The following PTPRR variants were observed in gnomAD, a reference collection of about 807,000 sequenced individuals.
PTPRR encodes receptor-type tyrosine-protein phosphatase R.
A neutral mutation model predicts 77.2 loss-of-function variants in PTPRR; 38 were observed. That is an observed-to-expected ratio of 0.49 (90% confidence interval 0.38 to 0.65). The LOEUF (loss-of-function observed/expected upper bound fraction) is 0.65. Ranked by LOEUF, PTPRR falls within the 30% of genes least tolerant of loss-of-function variation. PTPRR has a pLI of 0.00. For missense variants in PTPRR, 744 were observed against 799.2 expected (o/e 0.93, Z 0.83); for synonymous variants, 299 against 283.1 (o/e 1.06, Z -0.57).
At chr12:70,872,700 A>AAAAAAAAAAAC (rs1892981298) in intron 2 of PTPRR, among the ~76,000 whole-genome samples, 1 of 146,240 alleles carries the variant, frequency 6.8e-6, no homozygotes, top group Non-Finnish European at 1.5e-5. Flanking sequence ...GTCTCAAAAA[A>AAAAAAAAAAAC]AAAAAAAAAA....
In PTPRR at chr12:70,659,512, T is replaced by C; in HGVS notation, c.1766+1428A>G. ...AGTGACTGGAAAAAAGATAGTCTCA[T>C]TCTCAGAAATAGTAATCAGAAGGGG... On this transcript the variant is annotated intron_variant, in intron 12 of 13. Transcript: ENST00000283228. Among the ~76,000 whole-genome samples, 2 of 152,094 alleles carry C rather than the reference T, an allele frequency of 1.3e-5. 1 individual carries two copies. Among genetic ancestry groups the C allele is most frequent in the Non-Finnish European group, 2.9e-5 (2 of 68,010 alleles).
intron 2 of PTPRR, among the ~76,000 whole-genome samples, chr12:70,882,667 C>T (rs1893169560): frequency 1.3e-5 from 2 of 151,920 alleles, no homozygotes; most frequent in East Asian, 1.9e-4. Flanking sequence ...TGCTGGTCTT[C>T]CTTGACAGAC....
At chr12:70,861,850 T>G (rs1459994536) in intron 2 of PTPRR, among the ~76,000 whole-genome samples, 5 of 152,186 alleles carry the variant, frequency 3.3e-5, no homozygotes, top group Non-Finnish European at 5.9e-5. Flanking sequence ...GGCTACTACC[T>G]TCCTAATCTA....
rs750737641 is a variant in PTPRR at position 70,892,746 on chromosome 12, A to G, written c.290T>C (p.Leu97Pro). ...RPAYDPSLNL[L>P]AMDGQDLEVE... is the part of the protein sequence containing the mutation. ...TTCAAGATCTTGACCATCCATGGCCAGCAGATTGAGAGACGGGTCATATGC... is the reference window on the plus strand; with the variant it reads ...TTCAAGATCTTGACCATCCATGGCCGGCAGATTGAGAGACGGGTCATATGC... Residue 97 changes from leucine (L) to proline (P), a missense_variant, in exon 2 of 14, where the codon CTG becomes CCG. This residue lies in a region of PTPRR where 570 missense variants were observed against 573.2 expected (regional missense o/e 0.99). Coordinates refer to ENST00000283228, the MANE Select transcript of PTPRR (RefSeq NM_002849.4). 66 of 1,613,426 alleles carry G rather than the reference A, an allele frequency of 4.1e-5. No homozygotes were observed. The highest frequency in any genetic ancestry group is 2.2e-5 in the Non-Finnish European group (26 of 1,179,580).
chr12:70,877,061 G>A (rs2137098975), intron 2 of PTPRR, among the ~76,000 whole-genome samples: 1 of 152,300 alleles, frequency 6.6e-6, no homozygotes, highest in African/African-American at 2.4e-5. Context: ...GTCAAAACTA[G>A]TAAGCAGCCA....
At chr12:70,744,655 G>T (rs570224376) in intron 6 of PTPRR, among the ~76,000 whole-genome samples, 1 of 152,290 alleles carries the variant, frequency 6.6e-6, no homozygotes, top group South Asian at 2.1e-4. Flanking sequence ...ATAACTATTT[G>T]CATAGGGCAT....
At chr12:70,662,933 A>G (rs59683625) in intron 10 of PTPRR, among the ~76,000 whole-genome samples, 3,178 of 152,196 alleles carry the variant, frequency 0.021, 122 homozygotes, top group African/African-American at 0.073. Context: ...TTAAGAAGTT[A>G]AGAAATTTAA....
At chr12:70,709,033 T>G (rs563373123) in intron 6 of PTPRR, among the ~76,000 whole-genome samples, 2 of 152,150 alleles carry the variant, frequency 1.3e-5, no homozygotes, top group African/African-American at 4.8e-5. Context: ...AAAGAAAACT[T>G]CTGGCCAGTA....
intron 4 of PTPRR, among the ~76,000 whole-genome samples, chr12:70,758,558 A>G (rs149551935): frequency 1.3e-5 from 2 of 152,280 alleles, no homozygotes; most frequent in East Asian, 3.9e-4. Flanking sequence ...TAAAATTTAA[A>G]GAATTGTCCT....
At chr12:70,757,844 T>A (rs534337708) in intron 4 of PTPRR, among the ~76,000 whole-genome samples, 21 of 152,326 alleles carry the variant, frequency 1.4e-4, no homozygotes, top group African/African-American at 4.6e-4. Flanking sequence ...TGGGTTGAGG[T>A]ATAAGTTGTT....
intron 2 of PTPRR, among the ~76,000 whole-genome samples, chr12:70,871,269 C>T (rs888900815): frequency 2.6e-5 from 4 of 152,180 alleles, no homozygotes; most frequent in Non-Finnish European, 1.5e-5. Flanking sequence ...TAGCAGCAAA[C>T]TCAGCCTGAG....
intron 1 of PTPRR, among the ~76,000 whole-genome samples, chr12:70,895,586 A>G (rs1330878205): frequency 1.3e-5 from 2 of 151,542 alleles, no homozygotes; most frequent in African/African-American, 4.8e-5. Context: ...AAGAAAAAAA[A>G]TTTCATAGTG....
chr12:70,909,550 G>C (rs150329318), intron 1 of PTPRR, among the ~76,000 whole-genome samples: 3,734 of 152,236 alleles, frequency 0.025, 71 homozygotes, highest in Non-Finnish European at 0.04. Context: ...TTCTCCATCA[G>C]GGTAGAAAAA....
At chr12:70,667,400 A>C (rs1179946424) in intron 10 of PTPRR, among the ~76,000 whole-genome samples, 1 of 152,110 alleles carries the variant, frequency 6.6e-6, no homozygotes, top group East Asian at 1.9e-4. Context: ...CAGGAGAGTA[A>C]TTTTGTTTGG....
chr12:70,654,465 G>A (rs368584740), intron 13 of PTPRR, among the ~76,000 whole-genome samples: 1 of 152,088 alleles, frequency 6.6e-6, no homozygotes, highest in African/African-American at 2.4e-5. Flanking sequence ...CTCCCAGGAG[G>A]TCAAGGCTGC....
intron 8 of PTPRR, among the ~76,000 whole-genome samples, chr12:70,692,046 C>T (rs1182750825): frequency 6.6e-6 from 1 of 152,114 alleles, no homozygotes; most frequent in East Asian, 1.9e-4. Context: ...TAAATTAAGT[C>T]ATCTTTTACA....
At chr12:70,693,375 C>A (rs946588331) in intron 8 of PTPRR, among the ~76,000 whole-genome samples, 1 of 152,034 alleles carries the variant, frequency 6.6e-6, no homozygotes, top group East Asian at 1.9e-4. Flanking sequence ...CAGCTCACTG[C>A]GACCTCAACC....
At chr12:70,719,890 G>A (rs1889182007) in intron 6 of PTPRR, among the ~76,000 whole-genome samples, 1 of 152,192 alleles carries the variant, frequency 6.6e-6, no homozygotes, top group Non-Finnish European at 1.5e-5. Flanking sequence ...AGTGTCTCAA[G>A]TAGGATTGTT....
chr12:70,676,850 T>C (rs1030546314), intron 10 of PTPRR, among the ~76,000 whole-genome samples: 1 of 139,216 alleles, frequency 7.2e-6, no homozygotes, highest in Non-Finnish European at 1.5e-5. Flanking sequence ...GGTAGTATGA[T>C]GCCTCCAGCT....
Sources: gnomAD v4.1 joint callset for allele counts (sites outside exome capture counted in the v4.1 genomes callset) on GRCh38, gnomAD v4.1.1 for gene constraint, gnomAD v4.1.1 regional missense constraint, MANE v1.5 for transcripts, NCBI Gene and HGNC (gene_info 2026-07-23, HGNC 2026-07-21) for gene names.